The following RBSN variants were observed in gnomAD, a reference collection of about 807,000 sequenced individuals.
The protein encoded by RBSN is rabenosyn-5.
RBSN carries 34 observed loss-of-function variants against 60.5 expected under a neutral mutation model. The ratio of observed to expected loss-of-function variants is 0.56; its 90% confidence interval spans 0.43 to 0.75. The LOEUF (loss-of-function observed/expected upper bound fraction) is 0.75, where lower values mean the gene tolerates loss of function less well. RBSN is among the 30% of genes least tolerant of loss of function. The pLI is 0.00. For missense variants in RBSN, 845 were observed against 986.8 expected (o/e 0.86, Z 1.92); for synonymous variants, 322 against 366.9 (o/e 0.88, Z 1.40).
Position 15,071,306 on chromosome 3 carries a change from A to G in RBSN, c.*2476T>C, listed in dbSNP as rs1201679424. The G allele has an allele frequency of 3.9e-5, 6 of 152,246 alleles. No individual in the cohort carries two copies. The highest frequency in any genetic ancestry group is 4.4e-5 in the Non-Finnish European group (3 of 68,038). 9.4% of individuals were successfully genotyped at this position (152,246 alleles called of 1,614,324 possible). ...AAGAAAAATAATTATGATGGAAAGC[A>G]GCAATTAGCTTCTGGAACTACCTGC... On this transcript the variant is annotated 3_prime_UTR_variant, in exon 14 of 14. Coordinates refer to ENST00000253699, the MANE Select transcript of RBSN (RefSeq NM_022340.4).
rs1477388640 is a variant in RBSN at position 15,074,361 on chromosome 3, G to C, written c.1776C>G (p.Ser592Arg). The change falls in exon 14 of 14, where the codon AGC (serine) becomes AGG (arginine). Residue 592 changes from serine (S) to arginine (R), a missense_variant. Ser to Arg is a moderately radical substitution (Grantham distance 110). Transcript: ENST00000253699. This position sits in a 1 kb window ranked among gnomAD's most constrained non-coding sequence, Gnocchi z 6.4. ...ACCACACTCTGGTGGGTTGAGTTGA[G>C]CTAAGTGAAGGGGTCTTGGGAGCTG... is the stretch of plus-strand genomic sequence containing the variant. ...SSTAPKTPSLSSTQPTRVWSG... is the reference protein window; with the variant it reads ...SSTAPKTPSLRSTQPTRVWSG... 1 of 1,614,142 alleles carries C rather than the reference G, an allele frequency of 6.2e-7. No individual in the cohort carries two copies. Among genetic ancestry groups the C allele is most frequent in the Admixed American group, 1.7e-5 (1 of 60,016 alleles).
intron 4 of RBSN, among the ~76,000 whole-genome samples, chr3:15,094,339 T>C (rs1050688829): frequency 6.6e-6 from 1 of 152,240 alleles, no homozygotes; most frequent in African/African-American, 2.4e-5. Flanking sequence ...CTGCAATGCA[T>C]GTTGTGATTG....
At chr3:15,078,187 C>A in intron 10 of RBSN, 26 bp from the exon 11 acceptor site, 1 of 1,605,516 alleles carries the variant, frequency 6.2e-7, no homozygotes, top group Non-Finnish European at 8.5e-7. Context: ...AGACACGTGA[C>A]CTAAGTTTCA....
intron 5 of RBSN, among the ~76,000 whole-genome samples, chr3:15,088,946 A>G (rs2043418754): frequency 1.3e-5 from 2 of 152,216 alleles, no homozygotes; most frequent in South Asian, 4.1e-4. Flanking sequence ...AAGATACAGT[A>G]GATGAGCCTG....
chr3:15,087,597 C>T (rs963173046), intron 5 of RBSN, among the ~76,000 whole-genome samples: 3 of 152,102 alleles, frequency 2.0e-5, no homozygotes, highest in African/African-American at 2.4e-5. Flanking sequence ...TTGTATCCTT[C>T]GATCAGCATC....
chr3:15,075,667 A>G lies in RBSN; in HGVS notation c.1145T>C (p.Phe382Ser), dbSNP rs1291211278. The change falls in exon 13 of 14, where the codon TTT becomes TCT. Residue 382 changes from phenylalanine to serine, a missense_variant. Coordinates refer to ENST00000253699, the MANE Select transcript of RBSN (RefSeq NM_022340.4). ...GLMSLPTKEQFEELKKKRKEE... is the reference protein window; with the variant it reads ...GLMSLPTKEQSEELKKKRKEE... ...CTTCCTTTTCTTTTTCAGTTCCTCA[A>G]ACTGTTCTTTGGTTGGCAGTGACAT... 2 of 1,614,166 alleles carry G rather than the reference A, an allele frequency of 1.2e-6. No homozygotes were observed. Among genetic ancestry groups the G allele is most frequent in the Non-Finnish European group, 1.7e-6 (2 of 1,180,026 alleles).
Position 15,090,529 on chromosome 3 carries a change from C to T in RBSN, c.159G>A (p.Gln53=). The T allele has an allele frequency of 6.2e-7, 1 of 1,613,682 alleles. No individual in the cohort carries two copies. Among genetic ancestry groups the T allele is most frequent in the African/African-American group, 1.3e-5 (1 of 74,990 alleles). The change falls in exon 5 of 14, where the codon CAG becomes CAA. Residue 53 remains glutamine (Q), a synonymous_variant. Coordinates refer to ENST00000253699, the MANE Select transcript of RBSN (RefSeq NM_022340.4). Reference sequence around the variant, plus strand: ...ACCTGTCCTTTGCTTTTTTAGCCTTCTGGACAAGACCTTGAAAAATGGAAC... The same window carrying T: ...ACCTGTCCTTTGCTTTTTTAGCCTTTTGGACAAGACCTTGAAAAATGGAAC... ...DVKGQIKSLV[Q]KAKKAKDRLL...
chr3:15,082,090 TTCC>T lies in RBSN; in HGVS notation c.840+274_840+276del, dbSNP rs1344865605. On this transcript the variant is annotated intron_variant, in intron 9 of 13. Transcript: ENST00000253699. This position sits in a 1 kb window ranked among gnomAD's most constrained non-coding sequence, Gnocchi z 4.2. ...TGTCTACACCACATGGCAACTGCCC[TTCC>T]TCCTATTGCCTCTGGGCCACCAAAG... Among the ~76,000 whole-genome samples, 1 of 152,186 alleles carries T rather than the reference TTCC, an allele frequency of 6.6e-6. No individual in the cohort carries two copies. Among genetic ancestry groups the T allele is most frequent in the African/African-American group, 2.4e-5 (1 of 41,446 alleles).
chr3:15,085,978 T>G lies in RBSN; in HGVS notation c.290-17A>C. On this transcript the variant is annotated splice_polypyrimidine_tract_variant and intron_variant, in intron 5 of 13. Coordinates refer to ENST00000253699, the MANE Select transcript of RBSN (RefSeq NM_022340.4). ...TCACAGCACCTAGAGGGAAGGAAGG[T>G]AGGGAGACAAATGACTTATAGTTTC... 1.2e-6 allele frequency: 2 copies of G among 1,602,752 alleles called. No individual in the cohort carries two copies. The highest frequency in any genetic ancestry group is 8.5e-7 in the Non-Finnish European group (1 of 1,173,168).
chr3:15,093,538 C>T (rs377314446), intron 4 of RBSN, among the ~76,000 whole-genome samples: 16 of 151,904 alleles, frequency 1.1e-4, no homozygotes, highest in East Asian at 3.9e-4. Flanking sequence ...ACTACGAGTG[C>T]GTGCCACTAT....
At chr3:15,098,491 C>T (rs2043733746) in intron 1 of RBSN, among the ~76,000 whole-genome samples, 1 of 117,184 alleles carries the variant, frequency 8.5e-6, no homozygotes, top group African/African-American at 3.1e-5. Flanking sequence ...AATATAGCTA[C>T]ATGTTCTGCA....
In RBSN at chr3:15,070,440, C is replaced by T. The variant is rs993730873; in HGVS notation, c.*3342G>A. On this transcript the variant is annotated 3_prime_UTR_variant, in exon 14 of 14. Coordinates refer to ENST00000253699, the MANE Select transcript of RBSN (RefSeq NM_022340.4). ...GCCTGAATCCCTAAGTCTCTTCCAT[C>T]TTTTCTCATGATCTGTGTCTAGGGA... is the stretch of plus-strand genomic sequence containing the variant. 2.6e-5 allele frequency: 4 copies of T among 152,660 alleles called. No homozygotes were observed. Among genetic ancestry groups the T allele is most frequent in the Non-Finnish European group, 4.4e-5 (3 of 68,052 alleles). The allele number at this position is 152,660 out of a possible 1,614,324, so 9.5% of individuals were successfully genotyped here. A position where few individuals can be genotyped will look rare whatever the true frequency, so the allele number is the denominator to read the frequency against.
chr3:15,086,435 T>G (rs558645252), intron 5 of RBSN, among the ~76,000 whole-genome samples: 1 of 152,318 alleles, frequency 6.6e-6, no homozygotes, highest in East Asian at 1.9e-4. Flanking sequence ...GATAAGAGCA[T>G]GGACTCTGGA....
chr3:15,070,782 G>A lies in RBSN; in HGVS notation c.*3000C>T, dbSNP rs1317333351. On this transcript the variant is annotated 3_prime_UTR_variant, in exon 14 of 14. Coordinates refer to ENST00000253699, the MANE Select transcript of RBSN (RefSeq NM_022340.4). ...CAGCCATGGATAAACTTAATCAAAA[G>A]AATATGATTTTAGTTTGGTTTAGTA... is the stretch of plus-strand genomic sequence containing the variant. 1 of 152,622 alleles carries A rather than the reference G, an allele frequency of 6.6e-6. No homozygotes were observed. Among genetic ancestry groups the A allele is most frequent in the Non-Finnish European group, 1.5e-5 (1 of 68,054 alleles). The allele number at this position is 152,622 out of a possible 1,614,324, so 9.5% of individuals were successfully genotyped here. A position where few individuals can be genotyped will look rare whatever the true frequency, so the allele number is the denominator to read the frequency against.
chr3:15,074,429 C>G lies in RBSN; in HGVS notation c.1708G>C (p.Ala570Pro). The G allele has an allele frequency of 6.2e-7, 1 of 1,614,160 alleles. No homozygotes were observed. Among genetic ancestry groups the G allele is most frequent in the Non-Finnish European group, 8.5e-7 (1 of 1,180,024 alleles). Residue 570 changes from alanine (A) to proline (P), a missense_variant, in exon 14 of 14, where the codon GCT becomes CCT. Physicochemically the swap from Ala to Pro is conservative, Grantham distance 27 (BLOSUM62 -1). Coordinates refer to ENST00000253699, the MANE Select transcript of RBSN (RefSeq NM_022340.4). The surrounding 1 kb of genome is among the most constrained non-coding windows in gnomAD (Gnocchi z 6.4). The stretch of plus-strand genomic sequence containing the variant: ...GAAGAGCCTAGATCCAAAGCATAAG[C>G]AAGGTGGGTGCGAGGCTCTCTGCTG... ...EPSREPRTHLAYALDLGSSPV... is the reference protein window; with the variant it reads ...EPSREPRTHLPYALDLGSSPV...
At chr3:15,095,591 T>G (rs2043634571) in intron 4 of RBSN, 4 of 360,764 alleles carry the variant, frequency 1.1e-5, no homozygotes, top group Non-Finnish European at 2.0e-5. Flanking sequence ...GTGCATAATG[T>G]GCCTCCATCA....
At chr3:15,096,810 C>T (rs2043671630) in intron 2 of RBSN, 100 bp from the exon 3 acceptor site, 1 of 152,092 alleles carries the variant, frequency 6.6e-6, no homozygotes, top group Non-Finnish European at 1.5e-5. Context: ...ACAATAGAAA[C>T]CTACTAGTCA....
At position 15,073,736 on chromosome 3, in the gene RBSN, G is replaced by A; in HGVS notation, c.*46C>T. 1 of 1,551,564 alleles carries A rather than the reference G, an allele frequency of 6.4e-7. No individual in the cohort carries two copies. Among genetic ancestry groups the A allele is most frequent in the Non-Finnish European group, 8.7e-7 (1 of 1,151,868 alleles). ...GCCTGCCCTCTGTCCTGCTCCACTG[G>A]CTCCTGCCAGACCCCTGGGCCCAAA... is the stretch of plus-strand genomic sequence containing the variant. On this transcript the variant is annotated 3_prime_UTR_variant, in exon 14 of 14. Coordinates refer to ENST00000253699, the MANE Select transcript of RBSN (RefSeq NM_022340.4).
rs748017633 is a variant in RBSN, at chr3:15,096,162, C to G, written c.-42G>C. 6.6e-7 allele frequency: 1 copy of G among 1,520,904 alleles called. No individual in the cohort carries two copies. Among genetic ancestry groups the G allele is most frequent in the Non-Finnish European group, 8.8e-7 (1 of 1,138,134 alleles). 94.2% of individuals were successfully genotyped at this position (1,520,904 alleles called of 1,614,324 possible). ...ACCCTAGGAAGGCAGGAATCTCATG[C>G]CAAGAGTCAGCTTGATTCCTCCCAA... is the stretch of plus-strand genomic sequence containing the variant. On this transcript the variant is annotated 5_prime_UTR_variant, in exon 4 of 14. Transcript: ENST00000253699.
Sources: gnomAD v4.1 joint callset for allele counts (sites outside exome capture counted in the v4.1 genomes callset) on GRCh38, gnomAD v4.1.1 for gene constraint, Gnocchi (gnomAD v3.1) non-coding constraint, MANE v1.5 for transcripts, NCBI Gene and HGNC (gene_info 2026-07-23, HGNC 2026-07-21) for gene names.